Variants in API5 observed in about 807,000 individuals in gnomAD.
The protein encoded by API5 is FIF.
A neutral mutation model predicts 71.9 loss-of-function variants in API5; 6 were observed. The ratio of observed to expected loss-of-function variants is 0.08; its 90% CI spans 0.05 to 0.16. The LOEUF is 0.16. Among genes scored for constraint, API5 ranks in the 10% least tolerant of loss-of-function variants. The pLI is 1.00. For missense variants in API5, 332 were observed against 612.8 expected (o/e 0.54, Z 4.84); for synonymous variants, 189 against 221.3 (o/e 0.85, Z 1.30).
intron 13 of API5, among the ~76,000 whole-genome samples, chr11:43,340,679 G>A (rs558257074): frequency 1.3e-4 from 19 of 150,556 alleles, no homozygotes; most frequent in Non-Finnish European, 2.4e-4. Context: ...CTCATTGGAG[G>A]GACAAAAAAA....
chr11:43,333,434 T>C (rs1418392867), intron 11 of API5, among the ~76,000 whole-genome samples: 1 of 152,192 alleles, frequency 6.6e-6, no homozygotes, highest in Non-Finnish European at 1.5e-5. Context: ...AAAATGAGGA[T>C]TGTTTATATG....
chr11:43,323,947 G>C lies in API5; in HGVS notation c.750+311G>C, dbSNP rs187650953. Among the ~76,000 whole-genome samples the C allele has an allele frequency of 3.9e-5, 6 of 152,252 alleles. No homozygotes were observed. In the East Asian group the frequency reaches 1.2e-3, roughly 29 times the overall value. The stretch of plus-strand genomic sequence containing the variant: ...TGGGATTTTCAGATGAGGGATGCTT[G>C]GTCTGTGTTTATGAAGGCCACAGTG... On this transcript the variant is annotated intron_variant, in intron 6 of 13. Coordinates refer to ENST00000531273, the MANE Select transcript of API5 (RefSeq NM_001142930.2).
intron 6 of API5, among the ~76,000 whole-genome samples, chr11:43,325,552 A>G (rs777982056): frequency 3.2e-4 from 48 of 152,216 alleles, no homozygotes; most frequent in East Asian, 1.9e-4. Flanking sequence ...AGCTTATTCA[A>G]TTCCGACTGA....
intron 1 of API5, among the ~76,000 whole-genome samples, chr11:43,312,606 G>A (rs1332077721): frequency 1.3e-5 from 2 of 152,000 alleles, no homozygotes; most frequent in African/African-American, 4.8e-5. Context: ...TTGGGGGGGA[G>A]GCAAAATTCT....
At chr11:43,330,377 A>G in intron 10 of API5, 131 bp from the exon 11 acceptor site, 3 of 761,108 alleles carry the variant, frequency 3.9e-6, no homozygotes, top group Non-Finnish European at 4.5e-6. Flanking sequence ...TATAGATTTA[A>G]ACCAAGGAAT....
At chr11:43,322,232 A>G (rs1590356594) in intron 5 of API5, 96 bp downstream of exon 5, 1 of 1,220,334 alleles carries the variant, frequency 8.2e-7, no homozygotes, top group East Asian at 2.5e-5. Context: ...GCTTGTGTAT[A>G]AAATGATATA....
At chr11:43,313,176 C>T (rs1316270465) in intron 1 of API5, among the ~76,000 whole-genome samples, 8 of 150,266 alleles carry the variant, frequency 5.3e-5, no homozygotes, top group African/African-American at 2.0e-4. Flanking sequence ...GAAAATAAAA[C>T]AGGGCTGGGC....
chr11:43,336,367 T>C (rs1371948664), intron 13 of API5: 1 of 274,918 alleles, frequency 3.6e-6, no homozygotes, highest in Non-Finnish European at 6.8e-6. Flanking sequence ...TTCTGAGAGA[T>C]AGTATAAATG....
intron 11 of API5, chr11:43,331,495 T>A (rs888905186): frequency 2.3e-5 from 5 of 221,560 alleles, no homozygotes; most frequent in Admixed American, 1.0e-4. Context: ...AATGTTTTAT[T>A]ATAAAGAAGA....
intron 13 of API5, among the ~76,000 whole-genome samples, chr11:43,340,513 CA>C (rs897107410): frequency 2.6e-5 from 4 of 152,146 alleles, no homozygotes; most frequent in Non-Finnish European, 4.4e-5. Context: ...GGAGTTATCA[CA>C]CTACCAGATC....
intron 2 of API5, among the ~76,000 whole-genome samples, chr11:43,320,276 C>T (rs1473011713): frequency 6.6e-6 from 1 of 151,890 alleles, no homozygotes; most frequent in East Asian, 1.9e-4. Flanking sequence ...AAACTCCTGA[C>T]CTCGTGATCC....
chr11:43,322,146 G>C lies in API5; in HGVS notation c.543+10G>C. On this transcript the variant is annotated intron_variant, in intron 5 of 13. Coordinates refer to ENST00000531273, the MANE Select transcript of API5 (RefSeq NM_001142930.2). ...AACTGAATCCAAAAAGGTGAGCTTT[G>C]GTCTTCATTTGGTGGAAATTCTCTA... 6.3e-7 allele frequency: 1 copy of C among 1,583,594 alleles called. No individual in the cohort carries two copies. The highest frequency in any genetic ancestry group is 2.3e-5 in the East Asian group (1 of 44,298).
rs1040090498 is a variant in API5 at position 43,318,820 on chromosome 11, C to A, written c.231+19C>A. On this transcript the variant is annotated intron_variant, in intron 2 of 13. Coordinates refer to ENST00000531273, the MANE Select transcript of API5 (RefSeq NM_001142930.2). ...TGTATCTGTAAGTTTATGAATGACACTTCATAGCAATCTTTCAGATGTTTC... is the reference window on the plus strand; with the variant it reads ...TGTATCTGTAAGTTTATGAATGACAATTCATAGCAATCTTTCAGATGTTTC... 2 of 1,601,244 alleles carry A rather than the reference C, an allele frequency of 1.2e-6. No homozygotes were observed. Among genetic ancestry groups the A allele is most frequent in the Non-Finnish European group, 1.7e-6 (2 of 1,172,926 alleles).
chr11:43,337,007 CAAAA>C (rs559170436), intron 13 of API5, among the ~76,000 whole-genome samples: 9 of 66,830 alleles, frequency 1.3e-4, no homozygotes, highest in Non-Finnish European at 2.0e-4. Context: ...GACTCCGTCT[CAAAA>C]AAAAAAAAAA....
Position 43,335,849 on chromosome 11 carries a change from T to A in API5, c.1356-9T>A. 6.3e-7 allele frequency: 1 copy of A among 1,595,020 alleles called. No individual in the cohort carries two copies. Among genetic ancestry groups the A allele is most frequent in the Non-Finnish European group, 8.5e-7 (1 of 1,174,984 alleles). On this transcript the variant is annotated splice_polypyrimidine_tract_variant and intron_variant, in intron 12 of 13. Transcript: ENST00000531273. ...TGTTTTTGAATTGCTCTTCTTCCTA[T>A]TGTTACAGGCAAAAGAGAGCCAGTG...
At position 43,330,336 on chromosome 11, in the gene API5, T is replaced by G. The variant is rs1233099028; in HGVS notation, c.1222-172T>G. ...CTTTCTTTGCTACATCTAGATTTGT[T>G]TAGAGTCAAGCAATAGGAATACGCA... On this transcript the variant is annotated intron_variant, in intron 10 of 13. Coordinates refer to ENST00000531273, the MANE Select transcript of API5 (RefSeq NM_001142930.2). The G allele has an allele frequency of 6.1e-6, 4 of 657,066 alleles. No homozygotes were observed. In the East Asian group the frequency reaches 1.1e-4, roughly 18 times the overall value. 40.7% of individuals were successfully genotyped at this position (657,066 alleles called of 1,614,324 possible). A position where few individuals can be genotyped will look rare whatever the true frequency, so the allele number is the denominator to read the frequency against.
intron 11 of API5, 72 bp from the exon 12 acceptor site, chr11:43,335,204 GTT>G (rs972720389): frequency 1.3e-5 from 14 of 1,045,528 alleles, no homozygotes; most frequent in Admixed American, 1.8e-5. Context: ...ATCTGTCTTC[GTT>G]TCCTACCCTC....
chr11:43,319,714 G>A (rs1319853204), intron 2 of API5, among the ~76,000 whole-genome samples: 1 of 151,984 alleles, frequency 6.6e-6, no homozygotes, highest in Non-Finnish European at 1.5e-5. Flanking sequence ...CATCTGGCCC[G>A]CTGTACATAT....
intron 1 of API5, among the ~76,000 whole-genome samples, chr11:43,317,572 A>T (rs1487327714): frequency 1.3e-5 from 2 of 152,202 alleles, no homozygotes; most frequent in Non-Finnish European, 2.9e-5. Context: ...AAATTTCTGG[A>T]ATGTATTCCC....
Sources: allele counts gnomAD v4.1 joint callset (sites outside exome capture counted in the v4.1 genomes callset), GRCh38; gene constraint gnomAD v4.1.1; transcripts MANE v1.5; gene names NCBI Gene and HGNC (gene_info 2026-07-23, HGNC 2026-07-21).